Variants in PNPLA7 observed in about 807,000 individuals in gnomAD.
The protein encoded by PNPLA7 is patatin like domain 7, lysophospholipase.
In PNPLA7, 153 loss-of-function variants were observed where a neutral mutation model predicts 161.7. The observed-to-expected ratio is 0.95, with a 90% confidence interval of 0.83 to 1.08. The LOEUF (loss-of-function observed/expected upper bound fraction) is 1.08, where lower values mean the gene tolerates loss of function less well. PNPLA7 is among the 50% of genes least tolerant of loss of function. PNPLA7 has a pLI of 0.00. For synonymous variants in PNPLA7, 809 were observed against 782.1 expected (o/e 1.03, Z -0.57); for missense variants, 1,739 against 1,856.6 (o/e 0.94, Z 1.16).
chr9:137,470,144 C>G (rs562619916), intron 25 of PNPLA7, among the ~76,000 whole-genome samples: 9 of 152,144 alleles, frequency 5.9e-5, no homozygotes, highest in Middle Eastern at 3.4e-3. Flanking sequence ...CTCCTGCCTC[C>G]GCCTCCCAAG....
chr9:137,540,780 G>A lies in PNPLA7; in HGVS notation c.667-58C>T. The A allele has an allele frequency of 2.0e-6, 3 of 1,507,980 alleles. No individual in the cohort carries two copies. Among genetic ancestry groups the A allele is most frequent in the Non-Finnish European group, 2.7e-6 (3 of 1,107,924 alleles). The allele number at this position is 1,507,980 out of a possible 1,614,324, so 93.4% of individuals were successfully genotyped here. A position where few individuals can be genotyped will look rare whatever the true frequency, so the allele number is the denominator to read the frequency against. On this transcript the variant is annotated intron_variant, in intron 7 of 34. Coordinates refer to ENST00000406427, the MANE Select transcript of PNPLA7 (RefSeq NM_001098537.3). The surrounding 1 kb of genome is among the most constrained non-coding windows in gnomAD (Gnocchi z 5.1). ...GTCTGGGGCTGCGACCGCGGGGCCT[G>A]GCGGAGGCTCAGCCCAGCCCAGGGC...
chr9:137,523,961 G>A lies in PNPLA7; in HGVS notation c.748-1104C>T, dbSNP rs1415467572. Reference sequence around the variant, plus strand: ...ATTCTGGAAATTAGTTGGCTCTAGAGAGAAAAGCCTTCTGTTTACATCACG... The same window carrying A: ...ATTCTGGAAATTAGTTGGCTCTAGAAAGAAAAGCCTTCTGTTTACATCACG... On this transcript the variant is annotated intron_variant, in intron 8 of 34. Coordinates refer to ENST00000406427, the MANE Select transcript of PNPLA7 (RefSeq NM_001098537.3). This position sits in a 1 kb window ranked among gnomAD's most constrained non-coding sequence, Gnocchi z 4.4. 6.6e-6 allele frequency among the ~76,000 whole-genome samples: 1 copy of A among 152,150 alleles called. No individual in the cohort carries two copies. Among genetic ancestry groups the A allele is most frequent in the Non-Finnish European group, 1.5e-5 (1 of 68,024 alleles).
rs900789956 is a variant in PNPLA7 at position 137,493,018 on chromosome 9, A to G, written c.2192T>C (p.Val731Ala). 2.5e-6 allele frequency: 4 copies of G among 1,613,428 alleles called. No homozygotes were observed. The African/African-American group carries it at 5.3e-5, about 22-fold the overall frequency. Residue 731 changes from valine to alanine, a missense_variant, in exon 20 of 35, where the codon GTG becomes GCG. This residue lies in a region of PNPLA7 where 192 missense variants were observed against 249.5 expected (regional missense o/e 0.77). Coordinates refer to ENST00000406427, the MANE Select transcript of PNPLA7 (RefSeq NM_001098537.3). ...KILGSLQQGP[V>A]TGHQLGLPTE... is the part of the protein sequence containing the mutation. ...GGTTGGGAGAGGTGACCCACCTGTC[A>G]CAGGTCCCTGCTGGAGGCTGCCCAG...
At position 137,550,107 on chromosome 9, in the gene PNPLA7, C is replaced by G. The variant is rs867543864; in HGVS notation, c.30+61G>C. ...GAGCAGACGCCAAGAGGACCCTTCTCTGGGTCCAGAAATGCCCCCCAACTG... is the reference window on the plus strand; with the variant it reads ...GAGCAGACGCCAAGAGGACCCTTCTGTGGGTCCAGAAATGCCCCCCAACTG... On this transcript the variant is annotated intron_variant, in intron 1 of 34. Transcript: ENST00000406427. 1.3e-5 allele frequency: 21 copies of G among 1,597,524 alleles called. 1 individual carries two copies. In the Middle Eastern group the frequency reaches 2.8e-3, roughly 210 times the overall value.
chr9:137,502,432 C>A (rs571599539), intron 14 of PNPLA7, among the ~76,000 whole-genome samples: 8 of 150,976 alleles, frequency 5.3e-5, no homozygotes, highest in Admixed American at 2.6e-4. Flanking sequence ...AGCTCCCCCC[C>A]AAAAGAGAAA....
chr9:137,512,790 A>T (rs1834308152), intron 12 of PNPLA7, among the ~76,000 whole-genome samples: 1 of 151,530 alleles, frequency 6.6e-6, no homozygotes. Context: ...AAACAAGAAA[A>T]ATAAAAAGAA....
chr9:137,484,536 C>T (rs1416372935), intron 21 of PNPLA7, 51 bp downstream of exon 21: 4 of 1,515,468 alleles, frequency 2.6e-6, no homozygotes, highest in East Asian at 4.7e-5. Flanking sequence ...AGGCGCCCTC[C>T]ACCAGGCCCA....
chr9:137,481,804 C>T (rs999651500), intron 21 of PNPLA7, among the ~76,000 whole-genome samples: 20 of 152,268 alleles, frequency 1.3e-4, no homozygotes, highest in South Asian at 8.3e-4. Context: ...GGTGTGGTGG[C>T]GGGCGCCTGT....
At position 137,543,876 on chromosome 9, in the gene PNPLA7, G is replaced by C. The variant is rs1836348751; in HGVS notation, c.274-61C>G. ...GCAAGCCGCAAGGTCCAAGCTCTTT[G>C]CCATGGGGATCAGTCCTCAGGACCT... On this transcript the variant is annotated intron_variant, in intron 4 of 34. Transcript: ENST00000406427. This position sits in a 1 kb window ranked among gnomAD's most constrained non-coding sequence, Gnocchi z 6.9. The C allele has an allele frequency of 2.0e-5, 28 of 1,432,232 alleles. No individual in the cohort carries two copies. In the South Asian group the frequency reaches 3.2e-4, roughly 16 times the overall value. 88.7% of individuals were successfully genotyped at this position (1,432,232 alleles called of 1,614,324 possible). A position where few individuals can be genotyped will look rare whatever the true frequency, so the allele number is the denominator to read the frequency against.
chr9:137,517,782 C>CCG (rs1834692774), intron 11 of PNPLA7, among the ~76,000 whole-genome samples: 1 of 25,498 alleles, frequency 3.9e-5, no homozygotes, highest in African/African-American at 2.7e-4. Flanking sequence ...CCATCCCTCA[C>CCG]TCACTCACTC....
In PNPLA7 at chr9:137,460,624, A is replaced by G. The variant is rs745557641; in HGVS notation, c.3945+10T>C. 5.6e-6 allele frequency: 9 copies of G among 1,610,586 alleles called. No individual in the cohort carries two copies. Among genetic ancestry groups the G allele is most frequent in the Non-Finnish European group, 7.6e-6 (9 of 1,178,530 alleles). ...GTGGGCACCAGGTGGGACCATGCCC[A>G]GCTCCTCACCAAGTCTGAGCCCTGC... is the stretch of plus-strand genomic sequence containing the variant. On this transcript the variant is annotated intron_variant, in intron 34 of 34. Transcript: ENST00000406427.
chr9:137,546,960 G>C, intron 3 of PNPLA7, 51 bp from the exon 4 acceptor site: 1 of 1,550,666 alleles, frequency 6.4e-7, no homozygotes, highest in South Asian at 1.1e-5. Flanking sequence ...CACAGGCCTG[G>C]TCCTGGACAT....
chr9:137,497,319 G>C lies in PNPLA7; in HGVS notation c.1890-9C>G. 3 of 1,552,892 alleles carry C rather than the reference G, an allele frequency of 1.9e-6. No homozygotes were observed. Among genetic ancestry groups the C allele is most frequent in the Non-Finnish European group, 1.7e-6 (2 of 1,148,702 alleles). On this transcript the variant is annotated splice_polypyrimidine_tract_variant and intron_variant, in intron 17 of 34. Coordinates refer to ENST00000406427, the MANE Select transcript of PNPLA7 (RefSeq NM_001098537.3). ...CGGACTTGTCCCCCTGCCTGCGGAA[G>C]ACACAGAGGCCCTGCAGCCCTGGGC...
In PNPLA7 at chr9:137,527,300, C is replaced by CAA. The variant is rs142846700; in HGVS notation, c.748-4445_748-4444dup. On this transcript the variant is annotated intron_variant, in intron 8 of 34. Transcript: ENST00000406427. ...AAAAAACCACAAAAAAACAAAAAAA[C>CAA]AAAAAAAAACCCACACACACACTCT... is the stretch of plus-strand genomic sequence containing the variant. Among the ~76,000 whole-genome samples the CAA allele has an allele frequency of 1.4e-3, 204 of 149,026 alleles. 1 individual carries two copies. The highest frequency in any genetic ancestry group is 3.8e-3 in the African/African-American group (154 of 40,464).
At chr9:137,533,991 G>C (rs1835742933) in intron 8 of PNPLA7, among the ~76,000 whole-genome samples, 1 of 146,268 alleles carries the variant, frequency 6.8e-6, no homozygotes, top group Non-Finnish European at 1.5e-5. Context: ...GTATACTCCA[G>C]GTGGGAGGAC....
At chr9:137,472,338 C>A (rs1032855369) in intron 25 of PNPLA7, among the ~76,000 whole-genome samples, 1 of 151,850 alleles carries the variant, frequency 6.6e-6, no homozygotes, top group Non-Finnish European at 1.5e-5. Context: ...GATTACCCAG[C>A]ACTTGAGCCA....
rs982324825 is a variant in PNPLA7, at chr9:137,468,280, A to G, written c.2883-807T>C. ...ATACAGAATGTCCACCACTCAACCA[A>G]AGATTACCAGTCATATGAGAAGAAA... is the stretch of plus-strand genomic sequence containing the variant. On this transcript the variant is annotated intron_variant, in intron 25 of 34. Coordinates refer to ENST00000406427, the MANE Select transcript of PNPLA7 (RefSeq NM_001098537.3). The surrounding 1 kb of genome is among the most constrained non-coding windows in gnomAD (Gnocchi z 4.0). 6.6e-6 allele frequency among the ~76,000 whole-genome samples: 1 copy of G among 152,052 alleles called. No individual in the cohort carries two copies. Among genetic ancestry groups the G allele is most frequent in the Non-Finnish European group, 1.5e-5 (1 of 67,988 alleles).
At chr9:137,538,048 C>T (rs911854357) in intron 8 of PNPLA7, among the ~76,000 whole-genome samples, 1 of 152,152 alleles carries the variant, frequency 6.6e-6, no homozygotes, top group Non-Finnish European at 1.5e-5. Flanking sequence ...ACCTCAGCTC[C>T]AGAGACACAC....
At position 137,498,234 on chromosome 9, in the gene PNPLA7, T is replaced by C; in HGVS notation, c.1769A>G (p.Lys590Arg). Residue 590 changes from lysine to arginine, a missense_variant, in exon 17 of 35, where the codon AAG becomes AGG. Physicochemically the swap from Lys to Arg is conservative, Grantham distance 26. Around this residue, in one of 6 missense-constraint regions of PNPLA7, gnomAD observed 481 missense variants for 450.0 expected, o/e 1.07. Transcript: ENST00000406427. ...CACACCCAGGACGACGGTCGGCTGC[T>C]TCCGCATGATTCTGCCGGGCAGCCC... ...SKAHFYEIMR[K>R]QPTVVLGVAH... 1 of 1,611,254 alleles carries C rather than the reference T, an allele frequency of 6.2e-7. No homozygotes were observed.
Sources: gnomAD v4.1 joint callset for allele counts (sites outside exome capture counted in the v4.1 genomes callset) on GRCh38, gnomAD v4.1.1 for gene constraint, gnomAD v4.1.1 regional missense constraint, Gnocchi (gnomAD v3.1) non-coding constraint, MANE v1.5 for transcripts, NCBI Gene and HGNC (gene_info 2026-07-23, HGNC 2026-07-21) for gene names.